The following PTPRT variants were observed in gnomAD, a reference collection of about 807,000 sequenced individuals.
PTPRT encodes the protein receptor-type tyrosine-protein phosphatase T.
Under a neutral mutation model 176.8 loss-of-function variants are expected in PTPRT, and 56 were observed. That is an observed-to-expected ratio of 0.32 (90% confidence interval 0.26 to 0.40). The LOEUF is 0.40. PTPRT is among the 10% of genes least tolerant of loss of function. PTPRT has a pLI of 1.00. For synonymous variants in PTPRT, 783 were observed against 739.0 expected (o/e 1.06, Z -0.96); for missense variants, 1,540 against 1,908.2 (o/e 0.81, Z 3.60).
intron 27 of PTPRT, among the ~76,000 whole-genome samples, chr20:42,092,173 A>G (rs1984690557): frequency 6.6e-6 from 1 of 152,206 alleles, no homozygotes; most frequent in Non-Finnish European, 1.5e-5. Flanking sequence ...TGTTACTGCT[A>G]GTGAGAGCTG....
rs529988117 is a variant in PTPRT at position 43,177,222 on chromosome 20, C to T, written c.88+12424G>A. The stretch of plus-strand genomic sequence containing the variant: ...AACATGCCTAAAACATGAGAATTTG[C>T]GGGGAGCTGAGTCTAGTGGAATTTA... On this transcript the variant is annotated intron_variant, in intron 1 of 30. Coordinates refer to ENST00000373187, the MANE Select transcript of PTPRT (RefSeq NM_007050.6). Among the ~76,000 whole-genome samples, 414 of 152,228 alleles carry T rather than the reference C, an allele frequency of 2.7e-3. 2 individuals are homozygous for T. The highest frequency in any genetic ancestry group is 4.2e-3 in the Non-Finnish European group (286 of 67,998).
intron 2 of PTPRT, among the ~76,000 whole-genome samples, chr20:42,874,440 CAA>C (rs5841478): frequency 1.3e-5 from 2 of 151,024 alleles, no homozygotes; most frequent in Non-Finnish European, 3.0e-5. Context: ...ATCCTCTCCT[CAA>C]AAAAAAAGTT....
intron 9 of PTPRT, among the ~76,000 whole-genome samples, chr20:42,377,783 A>G (rs1388942921): frequency 1.3e-5 from 2 of 152,224 alleles, no homozygotes; most frequent in African/African-American, 4.8e-5. Flanking sequence ...TGTGGAAGAC[A>G]TGGCTTTGGA....
intron 1 of PTPRT, among the ~76,000 whole-genome samples, chr20:42,993,282 G>A (rs1984025641): frequency 6.6e-6 from 1 of 150,748 alleles, no homozygotes; most frequent in African/African-American, 2.5e-5. Context: ...GCCGGGCGTG[G>A]TGGCGGGTGC....
chr20:42,387,006 A>C (rs2058751285), intron 9 of PTPRT, among the ~76,000 whole-genome samples: 1 of 152,238 alleles, frequency 6.6e-6, no homozygotes, highest in African/African-American at 2.4e-5. Flanking sequence ...TGATTTTCCC[A>C]CTAGATCCTC....
intron 13 of PTPRT, among the ~76,000 whole-genome samples, chr20:42,260,886 T>A (rs913267983): frequency 6.6e-6 from 1 of 152,132 alleles, no homozygotes. Context: ...CAAGGGGACC[T>A]CACTGGGGAG....
chr20:42,274,426 G>T (rs6124438), intron 13 of PTPRT, among the ~76,000 whole-genome samples: 1 of 152,152 alleles, frequency 6.6e-6, no homozygotes. Flanking sequence ...AACTAATCCA[G>T]TTGCTGAGGT....
intron 7 of PTPRT, among the ~76,000 whole-genome samples, chr20:42,488,310 A>G (rs1250361758): frequency 1.3e-5 from 2 of 152,158 alleles, no homozygotes; most frequent in African/African-American, 4.8e-5. Flanking sequence ...TAATTTGACA[A>G]AGTACTGTCA....
rs3092082 is a variant in PTPRT at position 42,698,852 on chromosome 20, C to CATGAATGAATGA, written c.860-20705_860-20694dup. 3.1e-3 allele frequency among the ~76,000 whole-genome samples: 473 copies of CATGAATGAATGA among 151,534 alleles called. 2 individuals carry two copies. Among genetic ancestry groups the CATGAATGAATGA allele is most frequent in the African/African-American group, 0.01 (431 of 41,148 alleles). ...CATCAGAGGCAACAATGAATGCATA[C>CATGAATGAATGA]ATGAATGAATGAATGAATGAATGAA... On this transcript the variant is annotated intron_variant, in intron 6 of 30. Coordinates refer to ENST00000373187, the MANE Select transcript of PTPRT (RefSeq NM_007050.6).
intron 6 of PTPRT, among the ~76,000 whole-genome samples, chr20:42,722,355 T>G (rs1376141297): frequency 6.6e-6 from 1 of 152,216 alleles, no homozygotes; most frequent in Non-Finnish European, 1.5e-5. Context: ...ATCTCTGGCT[T>G]AATTCACTAA....
chr20:42,655,487 T>C (rs2075109384), intron 7 of PTPRT, among the ~76,000 whole-genome samples: 2 of 152,202 alleles, frequency 1.3e-5, no homozygotes, highest in South Asian at 2.1e-4. Context: ...CAAGACTCCA[T>C]CTTTTTAAGA....
At chr20:42,345,649 CAT>C (rs2058184373) in intron 11 of PTPRT, among the ~76,000 whole-genome samples, 1 of 148,098 alleles carries the variant, frequency 6.8e-6, no homozygotes, top group Admixed American at 6.8e-5. Context: ...GACACTATCC[CAT>C]GTAAAGGGAA....
intron 8 of PTPRT, among the ~76,000 whole-genome samples, chr20:42,463,031 G>A (rs2071046199): frequency 6.6e-6 from 1 of 152,090 alleles, no homozygotes; most frequent in Non-Finnish European, 1.5e-5. Context: ...GGGTCCAGAA[G>A]GCTAAAAGGC....
chr20:43,068,977 C>A (rs1002738181), intron 1 of PTPRT, among the ~76,000 whole-genome samples: 4 of 152,152 alleles, frequency 2.6e-5, no homozygotes, highest in African/African-American at 9.7e-5. Flanking sequence ...TTCTTCTGAG[C>A]AGCTTAGGTT....
chr20:42,254,428 T>C (rs753369945), intron 13 of PTPRT, among the ~76,000 whole-genome samples: 9 of 152,186 alleles, frequency 5.9e-5, no homozygotes, highest in Non-Finnish European at 1.3e-4. Context: ...TACACATTGA[T>C]TGAGATGCAC....
At chr20:43,098,013 TC>T (rs2012237501) in intron 1 of PTPRT, among the ~76,000 whole-genome samples, 1 of 152,012 alleles carries the variant, frequency 6.6e-6, no homozygotes, top group Non-Finnish European at 1.5e-5. Flanking sequence ...GCCTTGGCAG[TC>T]CCCTTCGCCA....
intron 27 of PTPRT, among the ~76,000 whole-genome samples, chr20:42,086,238 C>T (rs888878236): frequency 4.6e-5 from 7 of 152,232 alleles, no homozygotes; most frequent in East Asian, 1.9e-4. Context: ...TGTGCCCAGC[C>T]GTCACCAAGC....
At chr20:42,992,092 A>G (rs1389160652) in intron 1 of PTPRT, among the ~76,000 whole-genome samples, 1 of 152,206 alleles carries the variant, frequency 6.6e-6, no homozygotes, top group Non-Finnish European at 1.5e-5. Flanking sequence ...TACTATTTAA[A>G]TAATAAACAA....
intron 16 of PTPRT, among the ~76,000 whole-genome samples, chr20:42,164,305 C>T (rs1989734111): frequency 6.6e-6 from 1 of 152,182 alleles, no homozygotes; most frequent in African/African-American, 2.4e-5. Context: ...CAAATGTTTC[C>T]AAAACCAAAT....
Sources: gnomAD v4.1 joint callset for allele counts (sites outside exome capture counted in the v4.1 genomes callset) on GRCh38, gnomAD v4.1.1 for gene constraint, MANE v1.5 for transcripts, NCBI Gene and HGNC (gene_info 2026-07-23, HGNC 2026-07-21) for gene names.